The following TRPM2 variants were observed in gnomAD, a reference collection of about 807,000 sequenced individuals.
TRPM2 encodes the protein transient receptor potential cation channel subfamily M member 2, also known as estrogen-responsive element-associated gene 1 protein.
A neutral mutation model predicts 174.0 loss-of-function variants in TRPM2; 161 were observed. That is an observed-to-expected ratio of 0.93 (90% CI 0.81 to 1.05). TRPM2 has a LOEUF of 1.05. Ranked by LOEUF, TRPM2 falls within the 50% of genes least tolerant of loss-of-function variation. The probability of loss-of-function intolerance (pLI) is 0.00; values close to 1 mark genes in which losing one functional copy is unlikely to be tolerated. For missense variants in TRPM2, 2,057 were observed against 2,038.0 expected (o/e 1.01, Z -0.18); for synonymous variants, 954 against 861.3 (o/e 1.11, Z -1.88).
At position 44,417,980 on chromosome 21, in the gene TRPM2, G is replaced by A. The variant is rs541159083; in HGVS notation, c.3200G>A (p.Arg1067His). ...ACGGACCAGATTTGGAAGTTCCAGC[G>A]CCATGACCTGATCGAGGAGTACCAC... is the stretch of plus-strand genomic sequence containing the variant. ...EHTDQIWKFQ[R>H]HDLIEEYHGR... Residue 1067 changes from arginine (R) to histidine (H), a missense_variant, in exon 21 of 32, where the codon CGC becomes CAC. Arg to His is a conservative substitution (Grantham distance 29, BLOSUM62 0). Coordinates refer to ENST00000397928, the MANE Select transcript of TRPM2 (RefSeq NM_003307.4). 1.1e-4 allele frequency: 183 copies of A among 1,612,832 alleles called. No homozygotes were observed. The highest frequency in any genetic ancestry group is 4.2e-4 in the Admixed American group (25 of 60,002).
intron 2 of TRPM2, among the ~76,000 whole-genome samples, chr21:44,362,523 AAAAAG>A (rs1439113385): frequency 6.6e-6 from 1 of 152,000 alleles, no homozygotes; most frequent in African/African-American, 2.4e-5. Context: ...AAGAAAAAAA[AAAAAG>A]AAAGAAAGAA....
intron 16 of TRPM2, among the ~76,000 whole-genome samples, chr21:44,403,732 T>C (rs1359969997): frequency 6.8e-6 from 1 of 146,224 alleles, no homozygotes; most frequent in Non-Finnish European, 1.5e-5. Context: ...TGGACACACA[T>C]ACATGCATAT....
At chr21:44,434,351 ACGGGGACTGTGG>A (rs2051149776) in intron 27 of TRPM2, among the ~76,000 whole-genome samples, 1 of 146,876 alleles carries the variant, frequency 6.8e-6, no homozygotes, top group Admixed American at 6.7e-5. Flanking sequence ...AGGGATGGTG[ACGGGGACTGTGG>A]CGGGGACACT....
Position 44,400,482 on chromosome 21 carries a change from C to G in TRPM2, c.2321+111C>G, listed in dbSNP as rs532130126. On this transcript the variant is annotated intron_variant, in intron 15 of 31. Coordinates refer to ENST00000397928, the MANE Select transcript of TRPM2 (RefSeq NM_003307.4). Reference sequence around the variant, plus strand: ...CCCTCGCTGGGAGCAAGTCATGTGTCCTCAGAATTGTCCCTGGATCCTGGG... The same window carrying G: ...CCCTCGCTGGGAGCAAGTCATGTGTGCTCAGAATTGTCCCTGGATCCTGGG... The G allele has an allele frequency of 9.6e-5, 88 of 918,832 alleles. No homozygotes were observed. In the South Asian group the frequency reaches 1.4e-3, roughly 14 times the overall value. The allele number at this position is 918,832 out of a possible 1,614,324, so 56.9% of individuals were successfully genotyped here.
chr21:44,413,577 C>G (rs1179995038), intron 19 of TRPM2, among the ~76,000 whole-genome samples: 1 of 152,196 alleles, frequency 6.6e-6, no homozygotes, highest in Non-Finnish European at 1.5e-5. Context: ...AATTGAACTC[C>G]CCAGGCTTGG....
Position 44,391,889 on chromosome 21 carries a change from G to A in TRPM2, c.1794+264G>A, listed in dbSNP as rs2049187297. Among the ~76,000 whole-genome samples, 2 of 152,198 alleles carry A rather than the reference G, an allele frequency of 1.3e-5. No individual in the cohort carries two copies. The highest frequency in any genetic ancestry group is 2.4e-5 in the African/African-American group (1 of 41,444). Reference sequence around the variant, plus strand: ...GGCCAGGGCCTCTTCTTGCTTGCACGTGGCTGCCCTCTTGCTGTGTCTTCA... The same window carrying A: ...GGCCAGGGCCTCTTCTTGCTTGCACATGGCTGCCCTCTTGCTGTGTCTTCA... On this transcript the variant is annotated intron_variant, in intron 11 of 31. Transcript: ENST00000397928. The surrounding 1 kb of genome is among the most constrained non-coding windows in gnomAD (Gnocchi z 5.0).
rs192531517 is a variant in TRPM2, at chr21:44,427,805, G to A, written c.3974+694G>A. 1.6e-3 allele frequency among the ~76,000 whole-genome samples: 243 copies of A among 152,306 alleles called. 3 individuals carry two copies. Among genetic ancestry groups the A allele is most frequent in the Non-Finnish European group, 2.5e-3 (172 of 68,030 alleles). ...GGTGTGGGCTCCTCTGCCTGGAGCC[G>A]GAGGTTGAGTAAGGAGGTGGTAGGA... On this transcript the variant is annotated intron_variant, in intron 27 of 31. Coordinates refer to ENST00000397928, the MANE Select transcript of TRPM2 (RefSeq NM_003307.4).
At chr21:44,408,260 A>T (rs1457072035) in intron 19 of TRPM2, among the ~76,000 whole-genome samples, 2 of 151,898 alleles carry the variant, frequency 1.3e-5, no homozygotes, top group Admixed American at 6.6e-5. Flanking sequence ...TCCACTTTTC[A>T]CATGCTGTGA....
intron 8 of TRPM2, among the ~76,000 whole-genome samples, chr21:44,380,042 C>A (rs956473784): frequency 6.6e-6 from 1 of 152,208 alleles, no homozygotes; most frequent in Non-Finnish European, 1.5e-5. Flanking sequence ...CAGGGACACA[C>A]CTATTTGGCC....
intron 27 of TRPM2, among the ~76,000 whole-genome samples, chr21:44,434,500 G>A (rs994330624): frequency 1.3e-5 from 2 of 152,066 alleles, no homozygotes; most frequent in Admixed American, 6.5e-5. Context: ...GCACGATAGC[G>A]GCAGTGCATT....
chr21:44,356,632 T>G (rs2048072896), intron 2 of TRPM2, among the ~76,000 whole-genome samples: 1 of 151,430 alleles, frequency 6.6e-6, no homozygotes, highest in Admixed American at 6.6e-5. Context: ...CCCAGGTTCA[T>G]GCGATTCACC....
At chr21:44,440,364 A>G (rs2051454859) in intron 30 of TRPM2, among the ~76,000 whole-genome samples, 1 of 149,748 alleles carries the variant, frequency 6.7e-6, no homozygotes, top group Non-Finnish European at 1.5e-5. Flanking sequence ...ACTTCACAAC[A>G]TTGTGCAGCC....
chr21:44,382,880 G>A (rs143233827), intron 9 of TRPM2, 60 bp downstream of exon 9: 19,361 of 1,457,376 alleles, frequency 0.013, 165 homozygotes, highest in South Asian at 0.019. Flanking sequence ...CTCTGAGGAC[G>A]CCAAGTTCTA....
intron 21 of TRPM2, 93 bp from the exon 22 acceptor site, chr21:44,418,330 C>A: frequency 6.5e-7 from 1 of 1,534,722 alleles, no homozygotes. Context: ...TCAGGACTGG[C>A]CCCCTCCCAC....
chr21:44,434,784 C>T (rs1458780065), intron 27 of TRPM2, among the ~76,000 whole-genome samples: 1 of 152,114 alleles, frequency 6.6e-6, no homozygotes, highest in Admixed American at 6.5e-5. Context: ...CGTGCTGGGG[C>T]CTTTGGATGC....
At chr21:44,396,555 A>AG (rs1287294126) in intron 12 of TRPM2, among the ~76,000 whole-genome samples, 1 of 8,296 alleles carries the variant, frequency 1.2e-4, no homozygotes, top group Non-Finnish European at 2.2e-4. Context: ...AGGGGTGTGG[A>AG]GGCTGTGAAG....
intron 19 of TRPM2, among the ~76,000 whole-genome samples, chr21:44,410,453 G>T (rs367626763): frequency 1.5e-5 from 1 of 65,410 alleles, no homozygotes; most frequent in Non-Finnish European, 3.9e-5. Flanking sequence ...AGTTTTGACC[G>T]CACTGTCTTG....
Position 44,393,351 on chromosome 21 carries a change from A to G in TRPM2, c.1794+1726A>G, listed in dbSNP as rs560970867. 2.0e-5 allele frequency among the ~76,000 whole-genome samples: 3 copies of G among 152,278 alleles called. No individual in the cohort carries two copies. The East Asian group carries it at 5.8e-4, about 29-fold the overall frequency. On this transcript the variant is annotated intron_variant, in intron 11 of 31. Transcript: ENST00000397928. Reference sequence around the variant, plus strand: ...CCTATGAATTTGGTGAATTATTTTAATAGATTTTCTGATAGTGAAACATGT... The same window carrying G: ...CCTATGAATTTGGTGAATTATTTTAGTAGATTTTCTGATAGTGAAACATGT...
At chr21:44,417,697 T>C (rs1204046290) in intron 20 of TRPM2, among the ~76,000 whole-genome samples, 2 of 136,584 alleles carry the variant, frequency 1.5e-5, no homozygotes, top group African/African-American at 5.6e-5. Context: ...AGTGGGCACG[T>C]GGGCGTGGCT....
Sources: gnomAD v4.1 joint callset for allele counts (sites outside exome capture counted in the v4.1 genomes callset) on GRCh38, gnomAD v4.1.1 for gene constraint, Gnocchi (gnomAD v3.1) non-coding constraint, MANE v1.5 for transcripts, NCBI Gene and HGNC (gene_info 2026-07-23, HGNC 2026-07-21) for gene names.